NIPBL: variants seen among roughly 807,000 people sequenced by gnomAD.
NIPBL encodes the protein NIPBL cohesin loading factor, also known as nipped-B-like protein.
NIPBL carries 19 observed loss-of-function variants against 321.8 expected under a neutral mutation model. That is an observed-to-expected ratio of 0.06 (90% CI 0.04 to 0.09). The LOEUF is 0.09. Ranked by LOEUF, NIPBL falls within the 10% of genes least tolerant of loss-of-function variation. NIPBL has a pLI of 1.00. For synonymous variants in NIPBL, 1,106 were observed against 1,114.1 expected (o/e 0.99, Z 0.14); for missense variants, 2,210 against 3,327.0 (o/e 0.66, Z 8.26).
chr5:37,042,901 A>G (rs77409205), intron 34 of NIPBL, among the ~76,000 whole-genome samples: 3,930 of 134,772 alleles, frequency 0.029, 116 homozygotes, highest in African/African-American at 0.074. Flanking sequence ...ACACGCGCGC[A>G]CACACACACA....
At chr5:36,970,042 CAAAT>C (rs926984398) in intron 6 of NIPBL, among the ~76,000 whole-genome samples, 10 of 152,002 alleles carry the variant, frequency 6.6e-5, no homozygotes, top group Non-Finnish European at 1.2e-4. Context: ...TAAGAATGAA[CAAAT>C]AAATAGTGTA....
chr5:37,000,414 G>C lies in NIPBL; in HGVS notation c.3346G>C (p.Glu1116Gln). 1 of 1,613,250 alleles carries C rather than the reference G, an allele frequency of 6.2e-7. No homozygotes were observed. The highest frequency in any genetic ancestry group is 8.5e-7 in the Non-Finnish European group (1 of 1,179,462). Residue 1116 changes from glutamate to glutamine, a missense_variant, in exon 12 of 47, where the codon GAA becomes CAA. By Grantham distance (29) the Glu-to-Gln change is conservative. This residue lies in a region of NIPBL where 381 missense variants were observed against 642.3 expected (regional missense o/e 0.59). Transcript: ENST00000282516. ...RHKKDDDKAW[E>Q]YEERDRRSSG... ...TAAAAAAGATGATGATAAAGCTTGG[G>C]AATATGAAGAGCGTGACAGAAGAAG...
intron 11 of NIPBL, among the ~76,000 whole-genome samples, chr5:36,998,464 T>G (rs79384953): frequency 0.034 from 5,159 of 152,164 alleles, 125 homozygotes; most frequent in South Asian, 0.082. Context: ...GAAACAGATT[T>G]GTTATGAAAT....
At chr5:36,991,037 T>C (rs1489198283) in intron 10 of NIPBL, among the ~76,000 whole-genome samples, 1 of 152,060 alleles carries the variant, frequency 6.6e-6, no homozygotes, top group African/African-American at 2.4e-5. Context: ...AAGGGCCTGA[T>C]GTGAAATTAA....
In NIPBL at chr5:36,922,585, C is replaced by T. The variant is rs965736721; in HGVS notation, c.-79-31033C>T. Among the ~76,000 whole-genome samples the T allele has an allele frequency of 3.3e-5, 5 of 152,200 alleles. No homozygotes were observed. In the East Asian group the frequency reaches 9.7e-4, roughly 29 times the overall value. On this transcript the variant is annotated intron_variant, in intron 1 of 46. Coordinates refer to ENST00000282516, the MANE Select transcript of NIPBL (RefSeq NM_133433.4). ...ATTTCTCTGGAATCACTCTGGCTGTCTAATGGTGGTATTTGGTATTACTGC... is the reference window on the plus strand; with the variant it reads ...ATTTCTCTGGAATCACTCTGGCTGTTTAATGGTGGTATTTGGTATTACTGC...
intron 1 of NIPBL, among the ~76,000 whole-genome samples, chr5:36,882,717 AC>A (rs1745597074): frequency 6.6e-6 from 1 of 151,916 alleles, no homozygotes; most frequent in South Asian, 2.1e-4. Context: ...TCTATTCTTT[AC>A]ATTCTACCAC....
chr5:36,904,390 AC>A (rs1281306247), intron 1 of NIPBL, among the ~76,000 whole-genome samples: 1 of 152,124 alleles, frequency 6.6e-6, no homozygotes, highest in Non-Finnish European at 1.5e-5. Context: ...AATCACTTGA[AC>A]CCGGGAGGCG....
intron 1 of NIPBL, among the ~76,000 whole-genome samples, chr5:36,952,075 T>TGCGCGC (rs1234932272): frequency 6.6e-5 from 7 of 106,012 alleles, no homozygotes; most frequent in Non-Finnish European, 1.4e-4. Context: ...CGCGCGCGCA[T>TGCGCGC]GTGTGTGTGT....
At chr5:36,976,685 C>G (rs1684806848) in intron 9 of NIPBL, among the ~76,000 whole-genome samples, 1 of 152,218 alleles carries the variant, frequency 6.6e-6, no homozygotes, top group Non-Finnish European at 1.5e-5. Context: ...CTAAAATGAA[C>G]ATTAGCATTT....
At chr5:36,929,606 G>A (rs1278582934) in intron 1 of NIPBL, among the ~76,000 whole-genome samples, 1 of 151,762 alleles carries the variant, frequency 6.6e-6, no homozygotes, top group Non-Finnish European at 1.5e-5. Context: ...TCATGTTTTT[G>A]TTATCTAAGA....
chr5:36,985,048 C>G lies in NIPBL; in HGVS notation c.1868C>G (p.Ser623Cys), dbSNP rs1467348177. Residue 623 changes from serine to cysteine, a missense_variant, in exon 10 of 47, where the codon TCT (serine) becomes TGT (cysteine). This residue lies in a region of NIPBL where 588 missense variants were observed against 564.1 expected (regional missense o/e 1.04). Coordinates refer to ENST00000282516, the MANE Select transcript of NIPBL (RefSeq NM_133433.4). ...CAAAGTGAAAGTAGATTAGCAGAAT[C>G]TAAACCAAATGAAAACCGATTGGTG... ...MKQSESRLAE[S>C]KPNENRLVET... 3 of 1,613,816 alleles carry G rather than the reference C, an allele frequency of 1.9e-6. No individual in the cohort carries two copies. Among genetic ancestry groups the G allele is most frequent in the Non-Finnish European group, 2.5e-6 (3 of 1,179,928 alleles).
At chr5:36,908,464 C>G (rs1235917673) in intron 1 of NIPBL, among the ~76,000 whole-genome samples, 1 of 152,020 alleles carries the variant, frequency 6.6e-6, no homozygotes, top group Non-Finnish European at 1.5e-5. Context: ...TTTTAACTTT[C>G]CTAGTACTAA....
At chr5:36,981,944 A>G (rs942650649) in intron 9 of NIPBL, among the ~76,000 whole-genome samples, 15 of 151,964 alleles carry the variant, frequency 9.9e-5, no homozygotes, top group African/African-American at 3.4e-4. Flanking sequence ...TTCATTTTAC[A>G]TAATTGGCTA....
At chr5:36,992,241 G>A (rs1167020189) in intron 10 of NIPBL, among the ~76,000 whole-genome samples, 2 of 152,124 alleles carry the variant, frequency 1.3e-5, no homozygotes, top group Non-Finnish European at 2.9e-5. Context: ...GAATAAAGTA[G>A]TTAGGACAAA....
At position 37,022,489 on chromosome 5, in the gene NIPBL, A is replaced by G. The variant is rs1580500663; in HGVS notation, c.5574+99A>G. 8 of 1,028,742 alleles carry G rather than the reference A, an allele frequency of 7.8e-6. No individual in the cohort carries two copies. The East Asian group carries it at 1.3e-4, about 17-fold the overall frequency. 63.7% of individuals were successfully genotyped at this position (1,028,742 alleles called of 1,614,324 possible). A position where few individuals can be genotyped will look rare whatever the true frequency, so the allele number is the denominator to read the frequency against. Reference sequence around the variant, plus strand: ...TTAAGTTAGAAAAATAAATGTACCAATTATATATTTATATTGTCAAATTTA... The same window carrying G: ...TTAAGTTAGAAAAATAAATGTACCAGTTATATATTTATATTGTCAAATTTA... On this transcript the variant is annotated intron_variant, in intron 29 of 46. Coordinates refer to ENST00000282516, the MANE Select transcript of NIPBL (RefSeq NM_133433.4).
At chr5:36,952,041 TGTGTGTGTGTGTGCGC>T (rs1328740051) in intron 1 of NIPBL, among the ~76,000 whole-genome samples, 5 of 113,516 alleles carry the variant, frequency 4.4e-5, no homozygotes, top group Admixed American at 1.0e-4. Context: ...TGTGTGTGTG[TGTGTGTGTGTGTGCGC>T]GCGCGCGCGC....
At chr5:36,932,567 T>C (rs1050753726) in intron 1 of NIPBL, among the ~76,000 whole-genome samples, 2 of 152,112 alleles carry the variant, frequency 1.3e-5, no homozygotes, top group Admixed American at 1.3e-4. Flanking sequence ...CCTATTTGTA[T>C]CTTTGAATCA....
chr5:36,992,628 T>C (rs551177127), intron 10 of NIPBL, among the ~76,000 whole-genome samples: 1 of 152,202 alleles, frequency 6.6e-6, no homozygotes. Flanking sequence ...GATCCTCCCA[T>C]CTCAGCCTCC....
chr5:37,031,567 C>G (rs760191665), intron 32 of NIPBL, among the ~76,000 whole-genome samples: 7 of 152,122 alleles, frequency 4.6e-5, no homozygotes, highest in Non-Finnish European at 7.4e-5. Flanking sequence ...TACTTAAGAT[C>G]TAAGACTGAC....
Sources: allele counts gnomAD v4.1 joint callset (sites outside exome capture counted in the v4.1 genomes callset), GRCh38; gene constraint gnomAD v4.1.1; regional missense constraint gnomAD v4.1.1; transcripts MANE v1.5; gene names NCBI Gene and HGNC (gene_info 2026-07-23, HGNC 2026-07-21).